HSPA12B: variants seen among roughly 807,000 people sequenced by gnomAD.
The protein encoded by HSPA12B is heat shock 70 kDa protein 12B.
A neutral mutation model predicts 69.3 loss-of-function variants in HSPA12B; 54 were observed. That is an observed-to-expected ratio of 0.78 (90% CI 0.63 to 0.98). The LOEUF (loss-of-function observed/expected upper bound fraction) is 0.98. Ranked by LOEUF, HSPA12B falls within the 50% of genes least tolerant of loss-of-function variation. The pLI is 0.00. For missense variants in HSPA12B, 929 were observed against 999.8 expected (o/e 0.93, Z 0.96); for synonymous variants, 441 against 436.5 (o/e 1.01, Z -0.13).
Position 3,746,004 on chromosome 20 carries a change from G to C in HSPA12B, c.648G>C (p.Lys216Asn). The C allele has an allele frequency of 6.2e-7, 1 of 1,613,952 alleles. No individual in the cohort carries two copies. The highest frequency in any genetic ancestry group is 8.5e-7 in the Non-Finnish European group (1 of 1,179,928). The part of the protein sequence containing the change: ...TVPAIWKQPA[K>N]QFMREAAYLA... ...CTGCCATCTGGAAACAGCCAGCCAA[G>C]CAGTTCATGCGGGAGGCTGCCTACC... The change falls in exon 7 of 13, where the codon AAG becomes AAC. Residue 216 changes from lysine (K) to asparagine (N), a missense_variant. By Grantham distance (94) the Lys-to-Asn change is moderately conservative (BLOSUM62 0). This residue lies in a region of HSPA12B where 477 missense variants were observed against 535.2 expected (regional missense o/e 0.89). Transcript: ENST00000254963.
intron 3 of HSPA12B, among the ~76,000 whole-genome samples, chr20:3,741,246 T>C (rs1038848484): frequency 4.0e-5 from 6 of 151,326 alleles, no homozygotes; most frequent in Non-Finnish European, 8.8e-5. Flanking sequence ...CCCAGAGCAC[T>C]GGGCCTCTTG....
intron 1 of HSPA12B, among the ~76,000 whole-genome samples, chr20:3,733,525 G>A (rs937395440): frequency 2.0e-5 from 3 of 152,122 alleles, no homozygotes; most frequent in Admixed American, 6.5e-5. Flanking sequence ...AAGGGGGTGC[G>A]GCAGGATGTA....
chr20:3,750,762 G>A (rs751557471), intron 11 of HSPA12B, 42 bp from the exon 12 acceptor site: 2 of 1,612,896 alleles, frequency 1.2e-6, no homozygotes, highest in East Asian at 2.2e-5. Flanking sequence ...GCAAGCAGCT[G>A]GGCCCTGACC....
At position 3,751,566 on chromosome 20, in the gene HSPA12B, C is replaced by T. The variant is rs2088420994; in HGVS notation, c.1461C>T (p.Gly487=). 1.3e-6 allele frequency: 2 copies of T among 1,493,854 alleles called. No individual in the cohort carries two copies. Among genetic ancestry groups the T allele is most frequent in the African/African-American group, 1.4e-5 (1 of 70,154 alleles). 92.5% of individuals were successfully genotyped at this position (1,493,854 alleles called of 1,614,324 possible). A position where few individuals can be genotyped will look rare whatever the true frequency, so the allele number is the denominator to read the frequency against. ...VQGVKLLFLV[G]GFAESAVLQH... ...GTGTGAAGCTGCTGTTCCTAGTGGG[C>T]GGCTTCGCCGAGTCAGCGGTGCTGC... Residue 487 remains glycine (G), a synonymous_variant, in exon 13 of 13, where the codon GGC becomes GGT. Coordinates refer to ENST00000254963, the MANE Select transcript of HSPA12B (RefSeq NM_052970.5).
At position 3,740,602 on chromosome 20, in the gene HSPA12B, G is replaced by C. The variant is rs2088183310; in HGVS notation, c.44-213G>C. ...CTCCTGGGGAAAGCATGGGTCATCT[G>C]CTAGGGAAACGTTGCCTCTGACAGC... On this transcript the variant is annotated intron_variant, in intron 2 of 12. Coordinates refer to ENST00000254963, the MANE Select transcript of HSPA12B (RefSeq NM_052970.5). The surrounding 1 kb of genome is among the most constrained non-coding windows in gnomAD (Gnocchi z 4.9). Among the ~76,000 whole-genome samples the C allele has an allele frequency of 6.6e-6, 1 of 152,192 alleles. No homozygotes were observed. The highest frequency in any genetic ancestry group is 2.4e-5 in the African/African-American group (1 of 41,442).
At position 3,749,005 on chromosome 20, in the gene HSPA12B, C is replaced by T. The variant is rs1203329021; in HGVS notation, c.851-227C>T. Among the ~76,000 whole-genome samples the T allele has an allele frequency of 6.6e-6, 1 of 152,278 alleles. No homozygotes were observed. Among genetic ancestry groups the T allele is most frequent in the Non-Finnish European group, 1.5e-5 (1 of 68,024 alleles). ...TTTTGCCATGACCTGAGACCTCCTG[C>T]GTTAAAGGAAGGCCCTGTGTCCATA... is the stretch of plus-strand genomic sequence containing the variant. On this transcript the variant is annotated intron_variant, in intron 8 of 12. Transcript: ENST00000254963. This position sits in a 1 kb window ranked among gnomAD's most constrained non-coding sequence, Gnocchi z 5.5.
rs1010815636 is a variant in HSPA12B, at chr20:3,740,177, C to A, written c.44-638C>A. Reference sequence around the variant, plus strand: ...GTGTGTGTGGGGGGTGGGAATCAGACTTCCTAATGTTGTGGACACCCCCAG... The same window carrying A: ...GTGTGTGTGGGGGGTGGGAATCAGAATTCCTAATGTTGTGGACACCCCCAG... On this transcript the variant is annotated intron_variant, in intron 2 of 12. Transcript: ENST00000254963. This position sits in a 1 kb window ranked among gnomAD's most constrained non-coding sequence, Gnocchi z 4.9. 2.6e-5 allele frequency among the ~76,000 whole-genome samples: 4 copies of A among 152,062 alleles called. No individual in the cohort carries two copies. The highest frequency in any genetic ancestry group is 9.7e-5 in the African/African-American group (4 of 41,376).
chr20:3,746,597 C>G (rs533024607), intron 7 of HSPA12B, among the ~76,000 whole-genome samples: 1 of 151,692 alleles, frequency 6.6e-6, no homozygotes, highest in East Asian at 1.9e-4. Flanking sequence ...CCACCGCGCC[C>G]GGCCAAGATG....
rs2088265564 is a variant in HSPA12B, at chr20:3,744,806, T to C, written c.267-96T>C. On this transcript the variant is annotated intron_variant, in intron 4 of 12. Transcript: ENST00000254963. This position sits in a 1 kb window ranked among gnomAD's most constrained non-coding sequence, Gnocchi z 4.9. ...CCGACCCATAGCTAGTTCTCCCTGCTCTTTCACATCTGTAAGTTTTTGCAC... is the reference window on the plus strand; with the variant it reads ...CCGACCCATAGCTAGTTCTCCCTGCCCTTTCACATCTGTAAGTTTTTGCAC... The C allele has an allele frequency of 8.6e-7, 1 of 1,169,214 alleles. No individual in the cohort carries two copies. Among genetic ancestry groups the C allele is most frequent in the Non-Finnish European group, 1.2e-6 (1 of 814,436 alleles). The allele number at this position is 1,169,214 out of a possible 1,614,324, so 72.4% of individuals were successfully genotyped here.
chr20:3,750,054 C>T lies in HSPA12B; in HGVS notation c.1128C>T (p.Phe376=), dbSNP rs199719933. The part of the protein sequence containing the change: ...RIFGEDFIAT[F]KRQRPAAWVD... ...TCGGCGAGGACTTCATCGCCACCTT[C>T]AAAAGGCAACGGCCGGCAGCCTGGG... The change falls in exon 11 of 13, where the codon TTC becomes TTT. Residue 376 remains phenylalanine, a synonymous_variant. Coordinates refer to ENST00000254963, the MANE Select transcript of HSPA12B (RefSeq NM_052970.5). 3.1e-5 allele frequency: 50 copies of T among 1,609,972 alleles called. No individual in the cohort carries two copies. The highest frequency in any genetic ancestry group is 3.6e-5 in the Non-Finnish European group (43 of 1,178,746).
intron 11 of HSPA12B, 150 bp from the exon 12 acceptor site, chr20:3,750,654 C>T: frequency 6.5e-7 from 1 of 1,527,502 alleles, no homozygotes; most frequent in Non-Finnish European, 8.8e-7. Flanking sequence ...ACTAACATCC[C>T]GCAGGTCCAG....
At chr20:3,751,467 C>G in intron 12 of HSPA12B, 44 bp from the exon 13 acceptor site, 1 of 1,368,194 alleles carries the variant, frequency 7.3e-7, no homozygotes, top group Non-Finnish European at 9.4e-7. Flanking sequence ...CCCGCCCCTT[C>G]TCCTCTGCCC....
intron 7 of HSPA12B, 138 bp downstream of exon 7, chr20:3,746,169 T>C (rs965675388): frequency 1.5e-6 from 1 of 645,806 alleles, no homozygotes; most frequent in African/African-American, 1.8e-5. Context: ...TGGGAGTTTG[T>C]AGAGTTGCTC....
rs548722173 is a variant in HSPA12B at position 3,740,825 on chromosome 20, G to A, written c.54G>A (p.Pro18=). The A allele has an allele frequency of 2.0e-5, 32 of 1,613,520 alleles. No homozygotes were observed. In the African/African-American group the frequency reaches 2.1e-4, roughly 11 times the overall value. ...GLQGLYIGSS[P]ERSPVPSPPG... is the part of the protein sequence containing the mutation. ...GTCTCTTCTCTGCAGGCTCCAGCCCGGAGCGGTCCCCAGTGCCTAGCCCAC... is the reference window on the plus strand; with the variant it reads ...GTCTCTTCTCTGCAGGCTCCAGCCCAGAGCGGTCCCCAGTGCCTAGCCCAC... The change falls in exon 3 of 13, where the codon CCG becomes CCA. Residue 18 remains proline, a synonymous_variant. Coordinates refer to ENST00000254963, the MANE Select transcript of HSPA12B (RefSeq NM_052970.5). The surrounding 1 kb of genome is among the most constrained non-coding windows in gnomAD (Gnocchi z 4.9).
In HSPA12B at chr20:3,740,085, C is replaced by T. The variant is rs1359582091; in HGVS notation, c.44-730C>T. Among the ~76,000 whole-genome samples the T allele has an allele frequency of 2.0e-5, 3 of 152,060 alleles. No individual in the cohort carries two copies. The East Asian group carries it at 5.8e-4, about 29-fold the overall frequency. ...CTCCCACCAAAGGTCCAGCTCAGTCCCAGGCGTGCAAGAGGGTCTTGATGG... is the reference window on the plus strand; with the variant it reads ...CTCCCACCAAAGGTCCAGCTCAGTCTCAGGCGTGCAAGAGGGTCTTGATGG... On this transcript the variant is annotated intron_variant, in intron 2 of 12. Coordinates refer to ENST00000254963, the MANE Select transcript of HSPA12B (RefSeq NM_052970.5). This position sits in a 1 kb window ranked among gnomAD's most constrained non-coding sequence, Gnocchi z 4.9.
At position 3,749,771 on chromosome 20, in the gene HSPA12B, A is replaced by G; in HGVS notation, c.959A>G (p.Asp320Gly). 6.2e-7 allele frequency: 1 copy of G among 1,602,190 alleles called. No individual in the cohort carries two copies. The highest frequency in any genetic ancestry group is 8.5e-7 in the Non-Finnish European group (1 of 1,176,930). ...MQAGDRYVVADCGGGTVDLTV... is the reference protein window; with the variant it reads ...MQAGDRYVVAGCGGGTVDLTV... ...GCAGGAGACCGCTACGTGGTGGCCGACTGCGGCGGAGGCACCGTGGACCTG... is the reference window on the plus strand; with the variant it reads ...GCAGGAGACCGCTACGTGGTGGCCGGCTGCGGCGGAGGCACCGTGGACCTG... The change falls in exon 10 of 13, where the codon GAC (aspartate) becomes GGC (glycine). Residue 320 changes from aspartate (D) to glycine (G), a missense_variant. This residue lies in a region of HSPA12B where 477 missense variants were observed against 535.2 expected (regional missense o/e 0.89). Transcript: ENST00000254963. The surrounding 1 kb of genome is among the most constrained non-coding windows in gnomAD (Gnocchi z 5.5).
chr20:3,752,283 C>A lies in HSPA12B; in HGVS notation c.*117C>A, dbSNP rs1422157260. 1.5e-5 allele frequency: 15 copies of A among 991,620 alleles called. No homozygotes were observed. Among genetic ancestry groups the A allele is most frequent in the Non-Finnish European group, 2.1e-5 (15 of 723,050 alleles). 61.4% of individuals were successfully genotyped at this position (991,620 alleles called of 1,614,324 possible). A position where few individuals can be genotyped will look rare whatever the true frequency, so the allele number is the denominator to read the frequency against. On this transcript the variant is annotated 3_prime_UTR_variant, in exon 13 of 13. Transcript: ENST00000254963. The stretch of plus-strand genomic sequence containing the variant: ...TAGTTCTGCAGTCTGCGCCTTTCCA[C>A]GCCCTCCAGCCCCGGGGGAGATAAG...
At chr20:3,734,533 C>T (rs1006162035) in intron 1 of HSPA12B, among the ~76,000 whole-genome samples, 1 of 152,280 alleles carries the variant, frequency 6.6e-6, no homozygotes, top group Admixed American at 6.5e-5. Flanking sequence ...AATTAGTAGG[C>T]CCCTGAAGCG....
intron 7 of HSPA12B, 40 bp from the exon 8 acceptor site, chr20:3,748,177 C>A: frequency 6.8e-7 from 1 of 1,467,868 alleles, no homozygotes; most frequent in Non-Finnish European, 9.1e-7. Flanking sequence ...GGTGTGACAG[C>A]CCACAGTGCT....
Sources: allele counts gnomAD v4.1 joint callset (sites outside exome capture counted in the v4.1 genomes callset), GRCh38; gene constraint gnomAD v4.1.1; regional missense constraint gnomAD v4.1.1; non-coding constraint Gnocchi (gnomAD v3.1); transcripts MANE v1.5; gene names NCBI Gene and HGNC (gene_info 2026-07-23, HGNC 2026-07-21).